GALNTL6: variants seen among roughly 807,000 people sequenced by gnomAD.
GALNTL6 encodes polypeptide N-acetylgalactosaminyltransferase-like 6.
In GALNTL6, 46 loss-of-function variants were observed where a neutral mutation model predicts 73.7. The observed-to-expected ratio is 0.62, with a 90% CI of 0.49 to 0.80. The LOEUF is 0.80. GALNTL6 is among the 30% of genes least tolerant of loss of function. The pLI is 0.00. For synonymous variants in GALNTL6, 259 were observed against 263.7 expected (o/e 0.98, Z 0.17); for missense variants, 604 against 755.0 (o/e 0.80, Z 2.34).
At chr4:172,166,541 A>G (rs1383325751) in intron 2 of GALNTL6, among the ~76,000 whole-genome samples, 1 of 152,240 alleles carries the variant, frequency 6.6e-6, no homozygotes, top group Non-Finnish European at 1.5e-5. Context: ...CAAACACATA[A>G]GAAGAATAAG....
intron 5 of GALNTL6, among the ~76,000 whole-genome samples, chr4:172,560,982 G>A (rs1482798186): frequency 6.6e-6 from 1 of 152,002 alleles, no homozygotes; most frequent in Admixed American, 6.5e-5. Context: ...GGCCGGGCGC[G>A]GTGGCTCACG....
intron 8 of GALNTL6, among the ~76,000 whole-genome samples, chr4:172,890,858 T>G (rs1745992568): frequency 6.6e-6 from 1 of 152,246 alleles, no homozygotes; most frequent in Non-Finnish European, 1.5e-5. Flanking sequence ...ACCTGTTTTA[T>G]GATCTGGGTG....
chr4:171,823,786 C>T (rs1346871394), intron 2 of GALNTL6, among the ~76,000 whole-genome samples: 1 of 151,310 alleles, frequency 6.6e-6, no homozygotes, highest in Non-Finnish European at 1.5e-5. Context: ...TGACCAGATA[C>T]ACAGAGTGAA....
At chr4:172,704,591 G>T (rs11726391) in intron 5 of GALNTL6, among the ~76,000 whole-genome samples, 50,880 of 151,718 alleles carry the variant, frequency 0.34, 9,152 homozygotes, top group Middle Eastern at 0.48. Flanking sequence ...CAAATTTTTT[G>T]ATTTATTTTT....
chr4:172,607,085 T>C (rs2111039966), intron 5 of GALNTL6, among the ~76,000 whole-genome samples: 1 of 151,988 alleles, frequency 6.6e-6, no homozygotes, highest in East Asian at 1.9e-4. Context: ...GATGTATAAA[T>C]GATATTTGAA....
intron 5 of GALNTL6, among the ~76,000 whole-genome samples, chr4:172,777,113 C>A (rs1181591688): frequency 6.6e-6 from 1 of 152,100 alleles, no homozygotes; most frequent in Non-Finnish European, 1.5e-5. Context: ...ACATTATATT[C>A]AAAAATTATC....
At chr4:172,456,821 G>A (rs1254110108) in intron 5 of GALNTL6, among the ~76,000 whole-genome samples, 2 of 152,058 alleles carry the variant, frequency 1.3e-5, no homozygotes, top group Non-Finnish European at 2.9e-5. Context: ...AGCAAGGCAG[G>A]CCAACATTCA....
chr4:172,961,877 G>A (rs767605326), intron 10 of GALNTL6, among the ~76,000 whole-genome samples: 5 of 152,220 alleles, frequency 3.3e-5, no homozygotes, highest in African/African-American at 9.7e-5. Context: ...GAGGTCCCCC[G>A]ATCTGAGTCA....
At chr4:172,513,219 C>T (rs1048594029) in intron 5 of GALNTL6, among the ~76,000 whole-genome samples, 2 of 152,032 alleles carry the variant, frequency 1.3e-5, no homozygotes, top group African/African-American at 4.8e-5. Flanking sequence ...CTCTGAAGTT[C>T]TTTCTTCTAC....
At chr4:172,913,440 C>G (rs1389063625) in intron 8 of GALNTL6, among the ~76,000 whole-genome samples, 1 of 152,184 alleles carries the variant, frequency 6.6e-6, no homozygotes, top group Non-Finnish European at 1.5e-5. Flanking sequence ...TAACTAACTT[C>G]TTCGAGCTAA....
At chr4:171,892,753 G>A (rs921509682) in intron 2 of GALNTL6, among the ~76,000 whole-genome samples, 3 of 151,914 alleles carry the variant, frequency 2.0e-5, no homozygotes, top group Non-Finnish European at 4.4e-5. Flanking sequence ...TTGTATAGAC[G>A]AGGTCTTGCT....
intron 5 of GALNTL6, among the ~76,000 whole-genome samples, chr4:172,504,175 A>AAAAAAAAAAAAAAAAAAAAAAC (rs1363544210): frequency 5.1e-5 from 2 of 39,290 alleles, no homozygotes; most frequent in African/African-American, 1.5e-4. Flanking sequence ...AAAAAAAAAA[A>AAAAAAAAAAAAAAAAAAAAAAC]AAAACTCACA....
At chr4:171,914,377 G>T (rs1338105269) in intron 2 of GALNTL6, among the ~76,000 whole-genome samples, 1 of 151,424 alleles carries the variant, frequency 6.6e-6, no homozygotes, top group Non-Finnish European at 1.5e-5. Context: ...TGCATTTACA[G>T]GTTAAAATGT....
chr4:172,349,530 T>C (rs891231946), intron 5 of GALNTL6, among the ~76,000 whole-genome samples: 6 of 152,168 alleles, frequency 3.9e-5, no homozygotes, highest in African/African-American at 1.2e-4. Flanking sequence ...AAATGTTATT[T>C]GTCACAGAAA....
chr4:172,345,490 G>A (rs1741708712), intron 4 of GALNTL6, among the ~76,000 whole-genome samples: 2 of 152,252 alleles, frequency 1.3e-5, no homozygotes, highest in South Asian at 4.2e-4. Context: ...ATGCATGTGT[G>A]ATAATCGTTT....
At chr4:172,571,363 C>T (rs187292896) in intron 5 of GALNTL6, among the ~76,000 whole-genome samples, 29 of 152,236 alleles carry the variant, frequency 1.9e-4, no homozygotes, top group African/African-American at 6.7e-4. Flanking sequence ...TGAATAGAAA[C>T]ATCTCATAGG....
chr4:171,868,666 T>TC (rs1578925716), intron 2 of GALNTL6, among the ~76,000 whole-genome samples: 2 of 152,152 alleles, frequency 1.3e-5, no homozygotes, highest in Non-Finnish European at 2.9e-5. Flanking sequence ...AGCCTTCTCC[T>TC]CAGTAACTGA....
At chr4:172,018,531 T>C (rs1412198208) in intron 2 of GALNTL6, among the ~76,000 whole-genome samples, 1 of 152,016 alleles carries the variant, frequency 6.6e-6, no homozygotes, top group Non-Finnish European at 1.5e-5. Context: ...TCCCACACAG[T>C]TGGCAAGCCT....
intron 5 of GALNTL6, among the ~76,000 whole-genome samples, chr4:172,683,821 A>G (rs543756624): frequency 6.6e-6 from 1 of 152,338 alleles, no homozygotes; most frequent in Non-Finnish European, 1.5e-5. Context: ...ATTAACTGAG[A>G]GAATTATTCT....
Sources: gnomAD v4.1 joint callset for allele counts (sites outside exome capture counted in the v4.1 genomes callset) on GRCh38, gnomAD v4.1.1 for gene constraint, MANE v1.5 for transcripts, NCBI Gene and HGNC (gene_info 2026-07-23, HGNC 2026-07-21) for gene names.